TAFA1: variants seen among roughly 807,000 people sequenced by gnomAD.
TAFA1 encodes chemokine-like protein TAFA-1.
TAFA1 carries 4 observed loss-of-function variants against 18.5 expected under a neutral mutation model. That is an observed-to-expected ratio of 0.22 (90% CI 0.11 to 0.49). TAFA1 has a LOEUF of 0.49. TAFA1 is among the 20% of genes least tolerant of loss of function. TAFA1 has a pLI of 0.98. For synonymous variants in TAFA1, 56 were observed against 55.2 expected, an observed-to-expected ratio of 1.01 and a Z score of -0.06; for missense variants, 147 against 169.0, an observed-to-expected ratio of 0.87 and a Z score of 0.72.
intron 4 of TAFA1, among the ~76,000 whole-genome samples, chr3:68,541,352 C>G (rs540869793): frequency 6.6e-6 from 1 of 152,298 alleles, no homozygotes; most frequent in East Asian, 1.9e-4. Context: ...TAGGAACCAT[C>G]TATTCTGTGT....
At chr3:68,226,248 C>A (rs1436494330) in intron 2 of TAFA1, among the ~76,000 whole-genome samples, 2 of 152,188 alleles carry the variant, frequency 1.3e-5, no homozygotes, top group African/African-American at 2.4e-5. Flanking sequence ...ATGCTATTCA[C>A]TCATGGGCAG....
At chr3:68,119,697 CTTAT>C (rs2065365674) in intron 2 of TAFA1, among the ~76,000 whole-genome samples, 1 of 152,104 alleles carries the variant, frequency 6.6e-6, no homozygotes, top group Non-Finnish European at 1.5e-5. Context: ...TATGTGAGGG[CTTAT>C]TTCAGAGTGC....
At chr3:68,182,745 G>T (rs1308964269) in intron 2 of TAFA1, among the ~76,000 whole-genome samples, 2 of 151,958 alleles carry the variant, frequency 1.3e-5, no homozygotes, top group African/African-American at 4.8e-5. Context: ...TTGCATTCTT[G>T]TAAACCCTAC....
At chr3:68,544,133 A>G (rs529461556) in intron 4 of TAFA1, among the ~76,000 whole-genome samples, 5 of 152,196 alleles carry the variant, frequency 3.3e-5, no homozygotes, top group African/African-American at 9.6e-5. Flanking sequence ...CAAGATGGCA[A>G]CAGAAGAACA....
intron 2 of TAFA1, among the ~76,000 whole-genome samples, chr3:68,305,521 A>G (rs1418005158): frequency 6.9e-6 from 1 of 145,072 alleles, no homozygotes; most frequent in Admixed American, 7.0e-5. Context: ...ATAAAGGCTT[A>G]GGGTAAGGGA....
intron 2 of TAFA1, among the ~76,000 whole-genome samples, chr3:68,146,527 C>T (rs1344814011): frequency 6.6e-6 from 1 of 152,190 alleles, no homozygotes; most frequent in East Asian, 1.9e-4. Context: ...CACCATGAAC[C>T]ATAGTTCCCC....
At chr3:68,416,440 C>T (rs1010529657) in intron 2 of TAFA1, among the ~76,000 whole-genome samples, 1 of 152,148 alleles carries the variant, frequency 6.6e-6, no homozygotes, top group African/African-American at 2.4e-5. Flanking sequence ...TTCTGAACTC[C>T]AAATTTGATG....
chr3:68,365,319 C>T (rs2069545660), intron 2 of TAFA1, among the ~76,000 whole-genome samples: 1 of 152,158 alleles, frequency 6.6e-6, no homozygotes, highest in African/African-American at 2.4e-5. Flanking sequence ...TTTCTGGCCG[C>T]TCTACCTGCT....
chr3:68,061,844 G>T (rs1186230017), intron 2 of TAFA1, among the ~76,000 whole-genome samples: 2 of 152,128 alleles, frequency 1.3e-5, no homozygotes, highest in African/African-American at 4.8e-5. Context: ...GGAGGGGGAG[G>T]TTGAACCACT....
chr3:68,114,104 C>T (rs905438116), intron 2 of TAFA1, among the ~76,000 whole-genome samples: 1 of 151,890 alleles, frequency 6.6e-6, no homozygotes, highest in African/African-American at 2.4e-5. Flanking sequence ...AGGGTTTCAC[C>T]ATGTTGGCCA....
intron 2 of TAFA1, among the ~76,000 whole-genome samples, chr3:68,167,875 CT>C (rs955416357): frequency 8.4e-4 from 128 of 152,202 alleles, no homozygotes; most frequent in African/African-American, 2.9e-3. Context: ...CATTGTCCCC[CT>C]ACCCCCAAAA....
intron 2 of TAFA1, among the ~76,000 whole-genome samples, chr3:68,064,632 C>G (rs1357130858): frequency 6.6e-6 from 1 of 152,066 alleles, no homozygotes; most frequent in Non-Finnish European, 1.5e-5. Context: ...TAACACATGA[C>G]AAATGAGCAT....
intron 2 of TAFA1, among the ~76,000 whole-genome samples, chr3:68,300,735 T>A (rs924302026): frequency 2.0e-5 from 3 of 152,120 alleles, no homozygotes; most frequent in African/African-American, 7.2e-5. Flanking sequence ...AATTGAATCA[T>A]GGGTGCAGTT....
At chr3:68,326,361 T>C (rs949324533) in intron 2 of TAFA1, among the ~76,000 whole-genome samples, 1 of 152,202 alleles carries the variant, frequency 6.6e-6, no homozygotes, top group Non-Finnish European at 1.5e-5. Context: ...GACAATTATC[T>C]TTGGAAATTA....
Position 68,131,421 on chromosome 3 carries a change from G to A in TAFA1, c.118+124677G>A, listed in dbSNP as rs2065535433. On this transcript the variant is annotated intron_variant, in intron 2 of 4. Coordinates refer to ENST00000478136, the MANE Select transcript of TAFA1 (RefSeq NM_213609.4). Reference sequence around the variant, plus strand: ...AGTTGGCTTTTGTTCTCCCCAGAGGGAAGAAGAGCACCGTTTAATTACCTT... The same window carrying A: ...AGTTGGCTTTTGTTCTCCCCAGAGGAAAGAAGAGCACCGTTTAATTACCTT... Among the ~76,000 whole-genome samples, 3 of 152,250 alleles carry A rather than the reference G, an allele frequency of 2.0e-5. No individual in the cohort carries two copies. The South Asian group carries it at 6.2e-4, about 32-fold the overall frequency.
At chr3:68,124,491 AT>A (rs1185746600) in intron 2 of TAFA1, among the ~76,000 whole-genome samples, 1 of 152,168 alleles carries the variant, frequency 6.6e-6, no homozygotes, top group East Asian at 1.9e-4. Context: ...TACTCATAGC[AT>A]TTTGTTCATT....
intron 3 of TAFA1, among the ~76,000 whole-genome samples, chr3:68,477,373 T>TA (rs898577461): frequency 3.1e-4 from 47 of 151,834 alleles, no homozygotes; most frequent in Admixed American, 6.6e-4. Context: ...ATAGTGCTTT[T>TA]AAAAAAAAAT....
intron 3 of TAFA1, among the ~76,000 whole-genome samples, chr3:68,433,030 G>A (rs188750197): frequency 1.3e-5 from 2 of 152,020 alleles, no homozygotes; most frequent in Non-Finnish European, 2.9e-5. Flanking sequence ...CCAAACTCTA[G>A]GTCATTTTGT....
chr3:68,360,523 C>T (rs980904615), intron 2 of TAFA1, among the ~76,000 whole-genome samples: 12 of 151,804 alleles, frequency 7.9e-5, no homozygotes, highest in Admixed American at 1.3e-4. Context: ...AGTAGAGTAG[C>T]GGCTACTCGG....
Sources: gnomAD v4.1 joint callset for allele counts (sites outside exome capture counted in the v4.1 genomes callset) on GRCh38, gnomAD v4.1.1 for gene constraint, MANE v1.5 for transcripts, NCBI Gene and HGNC (gene_info 2026-07-23, HGNC 2026-07-21) for gene names.